The following SARNP variants were observed in gnomAD, a reference collection of about 807,000 sequenced individuals.
The protein encoded by SARNP is SAP domain-containing ribonucleoprotein.
SARNP carries 5 observed loss-of-function variants against 38.1 expected under a neutral mutation model. That is an observed-to-expected ratio of 0.13 (90% CI 0.07 to 0.28). The LOEUF (loss-of-function observed/expected upper bound fraction) is 0.28, where lower values mean the gene tolerates loss of function less well. Among genes scored for constraint, SARNP ranks in the 10% least tolerant of loss-of-function variants. SARNP has a pLI of 1.00. For synonymous variants in SARNP, 84 were observed against 80.6 expected, an observed-to-expected ratio of 1.04 and a Z score of -0.23; for missense variants, 180 against 243.9, an observed-to-expected ratio of 0.74 and a Z score of 1.75.
chr12:55,802,643 A>T (rs957406572), intron 2 of SARNP, among the ~76,000 whole-genome samples: 1 of 151,890 alleles, frequency 6.6e-6, no homozygotes, highest in Non-Finnish European at 1.5e-5. Flanking sequence ...ATACACAAAT[A>T]TTCCAAAATC....
intron 3 of SARNP, 86 bp from the exon 4 acceptor site, chr12:55,800,715 C>A (rs942293604): frequency 2.2e-4 from 290 of 1,323,366 alleles, no homozygotes; most frequent in Non-Finnish European, 2.9e-4. Flanking sequence ...CCAAAATAAA[C>A]CAGTCTCTCA....
At chr12:55,755,264 A>G (rs1878470054), downstream of SARNP, 1 of 150,996 alleles carries the variant, frequency 6.6e-6, no homozygotes, top group Non-Finnish European at 1.5e-5. Flanking sequence ...CTTCCTTCCT[A>G]TAGCCCTCAT....
intron 1 of SARNP, among the ~76,000 whole-genome samples, chr12:55,812,020 G>A (rs749073574): frequency 6.6e-6 from 1 of 152,142 alleles, no homozygotes; most frequent in Non-Finnish European, 1.5e-5. Flanking sequence ...GTCAGAACAT[G>A]TCACTCCTCT....
intron 6 of SARNP, 105 bp downstream of exon 6, chr12:55,794,702 G>C (rs1320090454): frequency 2.8e-6 from 2 of 718,936 alleles, no homozygotes; most frequent in East Asian, 2.6e-5. Flanking sequence ...CCTTCAGCAA[G>C]CCTCTATTCT....
intron 9 of SARNP, among the ~76,000 whole-genome samples, chr12:55,787,836 C>G (rs1350928292): frequency 2.6e-5 from 4 of 152,022 alleles, no homozygotes; most frequent in Non-Finnish European, 5.9e-5. Flanking sequence ...GCAAGCTCCC[C>G]CTCCCAGGTT....
intron 9 of SARNP, among the ~76,000 whole-genome samples, chr12:55,776,968 G>A (rs1351250220): frequency 6.6e-6 from 1 of 152,182 alleles, no homozygotes; most frequent in African/African-American, 2.4e-5. Flanking sequence ...CTTTCAGGCT[G>A]TGTTTACTCT....
intron 1 of SARNP, among the ~76,000 whole-genome samples, chr12:55,809,977 T>C (rs1194716642): frequency 6.6e-6 from 1 of 152,218 alleles, no homozygotes; most frequent in African/African-American, 2.4e-5. Context: ...TGATTACCTA[T>C]TCAAAAAGTT....
Position 55,800,875 on chromosome 12 carries a change from A to C in SARNP, c.162T>G (p.Asp54Glu). The change falls in exon 3 of 11, where the codon GAT (aspartate) becomes GAG (glutamate). Residue 54 changes from aspartate to glutamate, a missense_variant. Physicochemically the swap from Asp to Glu is conservative, Grantham distance 45 (BLOSUM62 2). Coordinates refer to ENST00000336133, the MANE Select transcript of SARNP (RefSeq NM_033082.4). ...TCACCTCTGTTTCATCTCCCAGTAC[A>C]TCTTCTTCATTTGCCTCCTCTTCAG... ...EHAEEEANEE[D>E]VLGDETEEEE... The C allele has an allele frequency of 6.2e-7, 1 of 1,613,366 alleles. No homozygotes were observed. Among genetic ancestry groups the C allele is most frequent in the Non-Finnish European group, 8.5e-7 (1 of 1,179,392 alleles).
At chr12:55,764,660 C>T (rs1466668118) in intron 9 of SARNP, among the ~76,000 whole-genome samples, 2 of 150,620 alleles carry the variant, frequency 1.3e-5, no homozygotes, top group African/African-American at 4.9e-5. Context: ...CATGGTGAAA[C>T]CCCATCTCTA....
At chr12:55,754,431 G>A (rs1878438274), downstream of SARNP, 1 of 152,208 alleles carries the variant, frequency 6.6e-6, no homozygotes, top group African/African-American at 2.4e-5. Flanking sequence ...TACAGCTTCT[G>A]GTCTGTAGTG....
intron 9 of SARNP, among the ~76,000 whole-genome samples, chr12:55,785,569 A>T (rs1879466861): frequency 6.6e-6 from 1 of 151,594 alleles, no homozygotes; most frequent in Non-Finnish European, 1.5e-5. Context: ...GTGAGTGATC[A>T]CTTGAGGCCA....
chr12:55,772,593 C>A (rs1879039655), intron 9 of SARNP, among the ~76,000 whole-genome samples: 1 of 152,026 alleles, frequency 6.6e-6, no homozygotes, highest in South Asian at 2.1e-4. Flanking sequence ...CCCCAGAAAT[C>A]AAGTTTCTAT....
Position 55,759,615 on chromosome 12 carries a change from A to AT in SARNP, c.591+935dup, listed in dbSNP as rs547387455. 1.2e-3 allele frequency among the ~76,000 whole-genome samples: 176 copies of AT among 152,176 alleles called. 7 individuals are homozygous for AT. Among genetic ancestry groups the AT allele is most frequent in the Admixed American group, 7.4e-3 (113 of 15,278 alleles). On this transcript the variant is annotated intron_variant, in intron 10 of 10. Coordinates refer to ENST00000336133, the MANE Select transcript of SARNP (RefSeq NM_033082.4). ...AGTAAATAAATAAATAAATAAATGTATTTTTAGTAGAGATGGGGTTTCACC... is the reference window on the plus strand; with the variant it reads ...AGTAAATAAATAAATAAATAAATGTATTTTTTAGTAGAGATGGGGTTTCACC...
rs114709946 is a variant in SARNP, at chr12:55,800,975, A to C, written c.137-75T>G. On this transcript the variant is annotated intron_variant, in intron 2 of 10. Transcript: ENST00000336133. ...GATCACTTACCAAGGTTAAAATTAT[A>C]ATCACTTTGCTTTCCCCCAAAAAAT... 1.4e-3 allele frequency: 1,726 copies of C among 1,268,794 alleles called. 20 individuals are homozygous for C. The African/African-American group carries it at 0.023, about 17-fold the overall frequency. The allele number at this position is 1,268,794 out of a possible 1,614,324, so 78.6% of individuals were successfully genotyped here.
At chr12:55,807,629 C>T (rs1366155598) in intron 1 of SARNP, among the ~76,000 whole-genome samples, 4 of 147,980 alleles carry the variant, frequency 2.7e-5, no homozygotes, top group African/African-American at 5.0e-5. Flanking sequence ...GGTGAAACCC[C>T]GTCTCTACTA....
At chr12:55,780,471 AAAGAGAAGAG>A (rs533064028) in intron 9 of SARNP, among the ~76,000 whole-genome samples, 2 of 151,946 alleles carry the variant, frequency 1.3e-5, no homozygotes, top group Admixed American at 1.3e-4. Context: ...AAAAGAAAGA[AAAGAGAAGAG>A]AAGAGAAGAG....
chr12:55,803,816 A>G, intron 1 of SARNP, 88 bp from the exon 2 acceptor site: 1 of 835,282 alleles, frequency 1.2e-6, no homozygotes, highest in Non-Finnish European at 1.9e-6. Flanking sequence ...AAAGAAAAAA[A>G]GAAAATGAAG....
intron 1 of SARNP, among the ~76,000 whole-genome samples, chr12:55,817,010 C>A (rs951542680): frequency 1.3e-5 from 2 of 152,126 alleles, no homozygotes; most frequent in Admixed American, 1.3e-4. Context: ...GGAAGGCTGG[C>A]GGGCCGAGAG....
intron 1 of SARNP, among the ~76,000 whole-genome samples, chr12:55,811,129 T>C (rs911135511): frequency 2.0e-5 from 3 of 152,018 alleles, no homozygotes; most frequent in Non-Finnish European, 4.4e-5. Context: ...CAACATATAG[T>C]TTGTAAATTC....
Sources: gnomAD v4.1 joint callset for allele counts (sites outside exome capture counted in the v4.1 genomes callset) on GRCh38, gnomAD v4.1.1 for gene constraint, MANE v1.5 for transcripts, NCBI Gene and HGNC (gene_info 2026-07-23, HGNC 2026-07-21) for gene names.